The following ATF7IP2 variants were observed in gnomAD, a reference collection of about 807,000 sequenced individuals.
The protein encoded by ATF7IP2 is activating transcription factor 7-interacting protein 2.
In ATF7IP2, 42 loss-of-function variants were observed where a neutral mutation model predicts 64.2. The observed-to-expected ratio is 0.65, with a 90% CI of 0.51 to 0.85. ATF7IP2 has a LOEUF of 0.85. Ranked by LOEUF, ATF7IP2 falls within the 40% of genes least tolerant of loss-of-function variation. The probability of loss-of-function intolerance (pLI) is 0.00; values close to 1 mark genes in which losing one functional copy is unlikely to be tolerated. For synonymous variants in ATF7IP2, 308 were observed against 272.8 expected (o/e 1.13, Z -1.27); for missense variants, 933 against 784.2 (o/e 1.19, Z -2.27).
At chr16:10,397,584 A>T (rs1483238931) in intron 1 of ATF7IP2, among the ~76,000 whole-genome samples, 1 of 152,174 alleles carries the variant, frequency 6.6e-6, no homozygotes, top group Admixed American at 6.5e-5. Flanking sequence ...ACCGTGCCTC[A>T]AAAGAAAATG....
chr16:10,464,564 T>C (rs1257393649), intron 9 of ATF7IP2, among the ~76,000 whole-genome samples: 2 of 152,158 alleles, frequency 1.3e-5, no homozygotes, highest in African/African-American at 4.8e-5. Flanking sequence ...CTTGCTTAAG[T>C]TGGAAGGAAA....
chr16:10,473,989 G>A lies in ATF7IP2; in HGVS notation c.1549G>A (p.Glu517Lys). 6.3e-7 allele frequency: 1 copy of A among 1,584,854 alleles called. No individual in the cohort carries two copies. ...TKEGLSNCNT[E>K]SPVSPLESHS... is the part of the protein sequence containing the mutation. ...AGAAGGCCTATCCAACTGCAATACA[G>A]GTAAAAGGATTTTTTAGATCTTTCT... The change falls in exon 12 of 14, where the codon GAA (glutamate) becomes AAA (lysine). Residue 517 changes from glutamate (E) to lysine (K), a missense_variant and splice_region_variant. Transcript: ENST00000562102.
rs1476575065 is a variant in ATF7IP2 at position 10,412,010 on chromosome 16, G to GGTTT, written c.-241-2564_-241-2563insGTTT. 4.2e-3 allele frequency among the ~76,000 whole-genome samples: 244 copies of GGTTT among 58,340 alleles called. 1 individual carries two copies. The highest frequency in any genetic ancestry group is 6.2e-3 in the East Asian group (11 of 1,774). The allele number at this position is 58,340 out of a possible 152,430, so 38.3% of individuals were successfully genotyped here. Reference sequence around the variant, plus strand: ...CTTTTTGTTTCATTTATCTTTTTTTGTTTTTTTTTTTTTTTTTTTTTTTTT... The same window carrying GGTTT: ...CTTTTTGTTTCATTTATCTTTTTTTGGTTTTTTTTTTTTTTTTTTTTTTTTTTTT... On this transcript the variant is annotated intron_variant, in intron 1 of 13. Coordinates refer to ENST00000562102, the MANE Select transcript of ATF7IP2 (RefSeq NM_001393719.1).
chr16:10,438,058 A>C, intron 6 of ATF7IP2, 43 bp from the exon 7 acceptor site: 1 of 1,462,250 alleles, frequency 6.8e-7, no homozygotes, highest in Non-Finnish European at 9.0e-7. Flanking sequence ...TTGCTTTTAA[A>C]TTTGAAACGT....
chr16:10,423,854 C>T (rs930106395), intron 3 of ATF7IP2, among the ~76,000 whole-genome samples: 9 of 152,140 alleles, frequency 5.9e-5, no homozygotes, highest in African/African-American at 2.2e-4. Flanking sequence ...CCCTTCTTAC[C>T]ACAGGGATTG....
Position 10,482,352 on chromosome 16 carries a change from G to A in ATF7IP2, c.*103G>A, listed in dbSNP as rs1161558558. 3.5e-6 allele frequency: 3 copies of A among 857,130 alleles called. No homozygotes were observed. Among genetic ancestry groups the A allele is most frequent in the Non-Finnish European group, 5.3e-6 (3 of 561,002 alleles). The allele number at this position is 857,130 out of a possible 1,614,324, so 53.1% of individuals were successfully genotyped here. A position where few individuals can be genotyped will look rare whatever the true frequency, so the allele number is the denominator to read the frequency against. ...TGTAAAAGGCCAGCTCAGATTGTGAGCCCTTTCTATTGGGACAGTCCTCTT... is the reference window on the plus strand; with the variant it reads ...TGTAAAAGGCCAGCTCAGATTGTGAACCCTTTCTATTGGGACAGTCCTCTT... On this transcript the variant is annotated 3_prime_UTR_variant, in exon 14 of 14. Transcript: ENST00000562102.
chr16:10,441,781 G>T (rs1453141057), intron 8 of ATF7IP2, among the ~76,000 whole-genome samples: 2 of 152,120 alleles, frequency 1.3e-5, no homozygotes, highest in East Asian at 1.9e-4. Flanking sequence ...GGCTTTTGTT[G>T]CTGTTGCTTT....
Position 10,438,000 on chromosome 16 carries a change from T to C in ATF7IP2, c.961-101T>C, listed in dbSNP as rs555207310. 21 of 842,354 alleles carry C rather than the reference T, an allele frequency of 2.5e-5. No homozygotes were observed. The East Asian group carries it at 3.1e-4, about 12-fold the overall frequency. 52.2% of individuals were successfully genotyped at this position (842,354 alleles called of 1,614,324 possible). On this transcript the variant is annotated intron_variant, in intron 6 of 13. Transcript: ENST00000562102. Reference sequence around the variant, plus strand: ...ATATAAATAAACTATATTTAATTGGTTACAGTAAATCTGGAAAAGAGCAAG... The same window carrying C: ...ATATAAATAAACTATATTTAATTGGCTACAGTAAATCTGGAAAAGAGCAAG...
At chr16:10,441,781 G>C (rs1453141057) in intron 8 of ATF7IP2, among the ~76,000 whole-genome samples, 1 of 152,120 alleles carries the variant, frequency 6.6e-6, no homozygotes, top group East Asian at 1.9e-4. Context: ...GGCTTTTGTT[G>C]CTGTTGCTTT....
chr16:10,436,586 G>C lies in ATF7IP2; in HGVS notation c.961-1515G>C, dbSNP rs145102853. On this transcript the variant is annotated intron_variant, in intron 6 of 13. Transcript: ENST00000562102. ...AACAGGAAGGAAGAGCCTTGGGAATGATCAAAATTAAAGAATATAATCATC... is the reference window on the plus strand; with the variant it reads ...AACAGGAAGGAAGAGCCTTGGGAATCATCAAAATTAAAGAATATAATCATC... Among the ~76,000 whole-genome samples the C allele has an allele frequency of 6.0e-4, 91 of 152,236 alleles. 1 individual carries two copies. Among genetic ancestry groups the C allele is most frequent in the African/African-American group, 2.0e-3 (84 of 41,540 alleles).
intron 5 of ATF7IP2, among the ~76,000 whole-genome samples, chr16:10,432,763 A>G (rs772557572): frequency 7.2e-5 from 11 of 152,116 alleles, no homozygotes; most frequent in Non-Finnish European, 1.6e-4. Context: ...TTATTATCGC[A>G]GCTACTTGGG....
At chr16:10,392,056 CTT>C (rs369793123) in intron 1 of ATF7IP2, among the ~76,000 whole-genome samples, 14 of 126,086 alleles carry the variant, frequency 1.1e-4, no homozygotes, top group Admixed American at 1.7e-4. Context: ...GTTGTATTAT[CTT>C]TTTTTTTTTT....
intron 9 of ATF7IP2, among the ~76,000 whole-genome samples, chr16:10,467,459 TGAAAAATA>T (rs2049619181): frequency 6.6e-6 from 1 of 152,044 alleles, no homozygotes; most frequent in Non-Finnish European, 1.5e-5. Context: ...AGATTAGCAA[TGAAAAATA>T]CAGCTATCAG....
At chr16:10,401,259 C>A (rs1481844662) in intron 1 of ATF7IP2, among the ~76,000 whole-genome samples, 5 of 150,026 alleles carry the variant, frequency 3.3e-5, no homozygotes, top group African/African-American at 1.2e-4. Flanking sequence ...CCTCCACCTC[C>A]CAGGTTCAAG....
chr16:10,475,334 G>A (rs1470037766), intron 12 of ATF7IP2, among the ~76,000 whole-genome samples: 24 of 152,172 alleles, frequency 1.6e-4, no homozygotes, highest in Non-Finnish European at 5.9e-5. Context: ...TAGAGCAACA[G>A]TTTTTTCTTT....
At chr16:10,433,719 G>T (rs2048329294) in intron 6 of ATF7IP2, 70 bp downstream of exon 6, 1 of 1,536,918 alleles carries the variant, frequency 6.5e-7, no homozygotes. Flanking sequence ...TAATTATCTG[G>T]TCCCCACAGT....
chr16:10,460,200 T>C (rs1393559213), intron 9 of ATF7IP2, among the ~76,000 whole-genome samples: 1 of 152,002 alleles, frequency 6.6e-6, no homozygotes, highest in Non-Finnish European at 1.5e-5. Flanking sequence ...CCAAAACATA[T>C]CAAGTACCTA....
intron 9 of ATF7IP2, among the ~76,000 whole-genome samples, chr16:10,462,267 T>C (rs542232812): frequency 7.6e-4 from 115 of 152,256 alleles, no homozygotes; most frequent in African/African-American, 2.6e-3. Flanking sequence ...ATTTTTTATT[T>C]CGAGTTACCC....
chr16:10,402,127 C>T (rs745919539), intron 1 of ATF7IP2, among the ~76,000 whole-genome samples: 4 of 151,938 alleles, frequency 2.6e-5, no homozygotes, highest in Non-Finnish European at 5.9e-5. Context: ...ATTTCTTCTG[C>T]TAATTTTTGG....
Sources: gnomAD v4.1 joint callset for allele counts (sites outside exome capture counted in the v4.1 genomes callset) on GRCh38, gnomAD v4.1.1 for gene constraint, MANE v1.5 for transcripts, NCBI Gene and HGNC (gene_info 2026-07-23, HGNC 2026-07-21) for gene names.